BTBD9: variants seen among roughly 807,000 people sequenced by gnomAD.
The protein encoded by BTBD9 is BTB domain containing 9.
In BTBD9, 49 loss-of-function variants were observed where a neutral mutation model predicts 64.3. The ratio of observed to expected loss-of-function variants is 0.76; its 90% CI spans 0.61 to 0.97. The LOEUF is 0.97. BTBD9 is among the 50% of genes least tolerant of loss of function. The pLI is 0.00. For synonymous variants in BTBD9, 260 were observed against 274.7 expected, an observed-to-expected ratio of 0.95 and a Z score of 0.53; for missense variants, 598 against 762.1, an observed-to-expected ratio of 0.78 and a Z score of 2.53.
At chr6:38,477,500 A>G (rs1300080470) in intron 6 of BTBD9, among the ~76,000 whole-genome samples, 1 of 150,326 alleles carries the variant, frequency 6.7e-6, no homozygotes, top group Non-Finnish European at 1.5e-5. Flanking sequence ...AAGCTTGTTT[A>G]GCAAACAGAG....
intron 6 of BTBD9, among the ~76,000 whole-genome samples, chr6:38,429,982 A>C (rs577852620): frequency 1.3e-5 from 2 of 151,900 alleles, no homozygotes; most frequent in Non-Finnish European, 2.9e-5. Context: ...TACTCATTTA[A>C]TCTCCCTTTG....
intron 7 of BTBD9, among the ~76,000 whole-genome samples, chr6:38,305,829 C>T (rs1050046950): frequency 3.3e-5 from 5 of 152,174 alleles, no homozygotes; most frequent in Non-Finnish European, 7.3e-5. Flanking sequence ...GGAGAAATGT[C>T]TGCTTTAGTC....
intron 9 of BTBD9, among the ~76,000 whole-genome samples, chr6:38,249,821 G>A (rs995883516): frequency 4.1e-4 from 62 of 150,488 alleles, no homozygotes; most frequent in African/African-American, 1.4e-3. Flanking sequence ...ACTCAACAAC[G>A]GGTAAATGTG....
intron 8 of BTBD9, among the ~76,000 whole-genome samples, chr6:38,274,384 C>T (rs1186605410): frequency 6.6e-6 from 1 of 152,056 alleles, no homozygotes; most frequent in Non-Finnish European, 1.5e-5. Context: ...CTTCTCCTGC[C>T]TAATTGCCCT....
intron 6 of BTBD9, among the ~76,000 whole-genome samples, chr6:38,363,215 C>A (rs1423726464): frequency 1.3e-5 from 2 of 152,164 alleles, no homozygotes. Context: ...CAGCCTCCAG[C>A]ATAGCTGGGA....
chr6:38,624,437 T>C (rs1778104861), intron 1 of BTBD9, among the ~76,000 whole-genome samples: 1 of 152,110 alleles, frequency 6.6e-6, no homozygotes. Context: ...GCTTCATTCT[T>C]GAAGTCAGAG....
At chr6:38,458,873 C>CA (rs1219845716) in intron 6 of BTBD9, among the ~76,000 whole-genome samples, 8 of 151,862 alleles carry the variant, frequency 5.3e-5, no homozygotes, top group Non-Finnish European at 7.4e-5. Context: ...TTAAGTATGA[C>CA]AAAAAAAGGC....
At chr6:38,315,642 T>A (rs1582216938) in intron 7 of BTBD9, among the ~76,000 whole-genome samples, 2 of 152,220 alleles carry the variant, frequency 1.3e-5, no homozygotes, top group East Asian at 3.8e-4. Context: ...TCTTACTGAT[T>A]TCTAGTTTTA....
intron 9 of BTBD9, among the ~76,000 whole-genome samples, chr6:38,236,694 G>C (rs1256560929): frequency 6.6e-6 from 1 of 152,194 alleles, no homozygotes. Context: ...ACAGTAATAT[G>C]AGGACTCCAG....
chr6:38,444,707 A>T (rs1247961714), intron 6 of BTBD9, among the ~76,000 whole-genome samples: 1 of 152,178 alleles, frequency 6.6e-6, no homozygotes, highest in Non-Finnish European at 1.5e-5. Flanking sequence ...AGGATTATAC[A>T]GACTGTTATG....
intron 8 of BTBD9, among the ~76,000 whole-genome samples, chr6:38,272,322 A>G (rs915835330): frequency 2.6e-5 from 4 of 152,242 alleles, no homozygotes; most frequent in African/African-American, 9.6e-5. Flanking sequence ...TTAAGTACAC[A>G]GTGCTGAGTT....
At chr6:38,397,042 C>CA (rs1766714154) in intron 6 of BTBD9, among the ~76,000 whole-genome samples, 1 of 151,662 alleles carries the variant, frequency 6.6e-6, no homozygotes, top group Non-Finnish European at 1.5e-5. Flanking sequence ...GCAGGGATTA[C>CA]AGGTGTGCAC....
intron 6 of BTBD9, among the ~76,000 whole-genome samples, chr6:38,480,702 A>T (rs1327502792): frequency 6.6e-6 from 1 of 152,216 alleles, no homozygotes; most frequent in Admixed American, 6.5e-5. Flanking sequence ...TCTGAGAACC[A>T]TCTGAAAAGA....
rs533948965 is a variant in BTBD9 at position 38,355,456 on chromosome 6, C to CGT, written c.1155-10364_1155-10363insAC. Among the ~76,000 whole-genome samples the CGT allele has an allele frequency of 4.4e-3, 668 of 152,226 alleles. 1 individual carries two copies. The highest frequency in any genetic ancestry group is 0.031 in the Middle Eastern group (9 of 294). On this transcript the variant is annotated intron_variant, in intron 6 of 10. Coordinates refer to ENST00000481247, the MANE Select transcript of BTBD9 (RefSeq NM_001099272.2). The stretch of plus-strand genomic sequence containing the variant: ...TCCCCAAAGCTTCTTGAGAGTTTTA[C>CGT]CATTCATGACCTAGACTCTGCTGGT...
chr6:38,624,684 A>C (rs1332845829), intron 1 of BTBD9, among the ~76,000 whole-genome samples: 1 of 127,992 alleles, frequency 7.8e-6, no homozygotes, highest in Non-Finnish European at 1.5e-5. Context: ...CCCCATCCAG[A>C]AAAAAAAAAC....
At chr6:38,516,171 G>A in intron 6 of BTBD9, among the ~76,000 whole-genome samples, 1 of 151,854 alleles carries the variant, frequency 6.6e-6, no homozygotes, top group South Asian at 2.1e-4. Flanking sequence ...AAGTAACCAA[G>A]GTAAATGAAA....
At chr6:38,307,453 TC>T (rs772427097) in intron 7 of BTBD9, among the ~76,000 whole-genome samples, 1 of 152,184 alleles carries the variant, frequency 6.6e-6, no homozygotes, top group Non-Finnish European at 1.5e-5. Flanking sequence ...GCTTTTCCTT[TC>T]CCAAAGTTTC....
chr6:38,219,467 ACT>A (rs1763128112), intron 9 of BTBD9, among the ~76,000 whole-genome samples: 2 of 151,106 alleles, frequency 1.3e-5, no homozygotes, highest in Non-Finnish European at 3.0e-5. Flanking sequence ...TAGACTAAAT[ACT>A]CTCTCTTTAC....
chr6:38,302,757 C>T (rs1695240790), intron 7 of BTBD9, among the ~76,000 whole-genome samples: 1 of 151,678 alleles, frequency 6.6e-6, no homozygotes, highest in Non-Finnish European at 1.5e-5. Context: ...TTTACATTAC[C>T]ACCAACAGTG....
Sources: allele counts gnomAD v4.1 joint callset (sites outside exome capture counted in the v4.1 genomes callset), GRCh38; gene constraint gnomAD v4.1.1; transcripts MANE v1.5; gene names NCBI Gene and HGNC (gene_info 2026-07-23, HGNC 2026-07-21).